RIN2: variants seen among roughly 807,000 people sequenced by gnomAD.
RIN2 encodes RAB5 interacting protein 2.
A neutral mutation model predicts 78.0 loss-of-function variants in RIN2; 36 were observed. The observed-to-expected ratio is 0.46, with a 90% CI of 0.35 to 0.61. The LOEUF (loss-of-function observed/expected upper bound fraction) is 0.61. Among genes scored for constraint, RIN2 ranks in the 20% least tolerant of loss-of-function variants. The pLI, the probability that RIN2 is intolerant of heterozygous loss-of-function variation, is 0.00. For synonymous variants in RIN2, 466 were observed against 466.8 expected (o/e 1.00, Z 0.02); for missense variants, 1,087 against 1,159.7 (o/e 0.94, Z 0.91).
chr20:19,941,888 G>A (rs189906335), intron 4 of RIN2, among the ~76,000 whole-genome samples: 124 of 152,240 alleles, frequency 8.1e-4, no homozygotes, highest in Non-Finnish European at 1.4e-3. Context: ...GCTGAGGTGG[G>A]TGGATCACGA....
intron 2 of RIN2, among the ~76,000 whole-genome samples, chr20:19,815,814 A>T (rs1439146673): frequency 6.6e-6 from 1 of 152,258 alleles, no homozygotes; most frequent in Non-Finnish European, 1.5e-5. Flanking sequence ...CATGGTCAGC[A>T]TCGGCTCAAA....
At chr20:19,956,536 T>C in intron 4 of RIN2, 79 bp from the exon 5 acceptor site, 5 of 1,378,012 alleles carry the variant, frequency 3.6e-6, no homozygotes, top group Non-Finnish European at 2.0e-6. Flanking sequence ...AAGCCTGGCC[T>C]ATGAACTTGT....
At chr20:19,974,562 C>T in intron 8 of RIN2, 92 bp from the exon 9 acceptor site, 3 of 1,271,978 alleles carry the variant, frequency 2.4e-6, no homozygotes, top group South Asian at 1.4e-5. Flanking sequence ...GCAAGACTCG[C>T]GTTGTCATGC....
Position 19,996,842 on chromosome 20 carries a change from G to C in RIN2, c.2364G>C (p.Gln788His). The change falls in exon 12 of 13, where the codon CAG becomes CAC. Residue 788 changes from glutamine to histidine, a missense_variant and splice_region_variant. Physicochemically the swap from Gln to His is conservative, Grantham distance 24. Around this residue, in one of 8 missense-constraint regions of RIN2, gnomAD observed 160 missense variants for 179.4 expected, o/e 0.89. Transcript: ENST00000255006. ...NRTIPSVDDF[Q>H]NYLRVAFQEV... The stretch of plus-strand genomic sequence containing the variant: ...CCATCCCCTCTGTGGACGACTTCCA[G>C]GTGTGCAGCTGGCCACCCCTTTGCT... 6.3e-7 allele frequency: 1 copy of C among 1,583,036 alleles called. No homozygotes were observed. The highest frequency in any genetic ancestry group is 8.6e-7 in the Non-Finnish European group (1 of 1,163,350).
In RIN2 at chr20:19,856,624, A is replaced by AGAAG. The variant is rs369374955; in HGVS notation, c.-36-32928_-36-32925dup. On this transcript the variant is annotated intron_variant, in intron 2 of 12. Transcript: ENST00000255006. ...TGGAAGAAAGGAAGGAAGGAAGGAA[A>AGAAG]GAAGGAAGGAAGGAAGGGAGGGAGG... Among the ~76,000 whole-genome samples the AGAAG allele has an allele frequency of 7.8e-3, 1,172 of 149,354 alleles. 20 individuals carry two copies. Among genetic ancestry groups the AGAAG allele is most frequent in the African/African-American group, 0.027 (1,115 of 40,726 alleles).
intron 6 of RIN2, among the ~76,000 whole-genome samples, chr20:19,964,056 G>GTT (rs932935755): frequency 6.6e-6 from 1 of 151,858 alleles, no homozygotes; most frequent in African/African-American, 2.4e-5. Context: ...TAGAGACAGG[G>GTT]TTTTGCCATG....
rs887260103 is a variant in RIN2, at chr20:19,802,337, C to A, written c.-37+2590C>A. 2.6e-5 allele frequency among the ~76,000 whole-genome samples: 4 copies of A among 152,064 alleles called. No individual in the cohort carries two copies. In the South Asian group the frequency reaches 8.3e-4, roughly 32 times the overall value. On this transcript the variant is annotated intron_variant, in intron 2 of 12. Transcript: ENST00000255006. ...ACATGCTTGGCAGAAAGAGCTGCCCCTACCAGGTATGGCCAGGCCAGGTGT... is the reference window on the plus strand; with the variant it reads ...ACATGCTTGGCAGAAAGAGCTGCCCATACCAGGTATGGCCAGGCCAGGTGT...
At chr20:19,823,968 A>C in intron 2 of RIN2, 1 of 1,404,676 alleles carries the variant, frequency 7.1e-7, no homozygotes, top group South Asian at 1.2e-5. Context: ...GTGTCGGATG[A>C]ACCCGGATTC....
At chr20:19,935,905 G>C (rs753757368) in intron 4 of RIN2, among the ~76,000 whole-genome samples, 1 of 152,316 alleles carries the variant, frequency 6.6e-6, no homozygotes, top group African/African-American at 2.4e-5. Context: ...GACACTTCGT[G>C]CCTTAGAGGC....
chr20:19,970,944 C>T lies in RIN2; in HGVS notation c.628+15C>T. Reference sequence around the variant, plus strand: ...GATGGGACTAAGTAAGTGTGTGCCCCCTGCCTGAGTCTATCTAAAAATGAA... The same window carrying T: ...GATGGGACTAAGTAAGTGTGTGCCCTCTGCCTGAGTCTATCTAAAAATGAA... On this transcript the variant is annotated intron_variant, in intron 8 of 12. Coordinates refer to ENST00000255006, the MANE Select transcript of RIN2 (RefSeq NM_018993.4). 3.8e-6 allele frequency: 6 copies of T among 1,591,820 alleles called. No homozygotes were observed. The highest frequency in any genetic ancestry group is 5.2e-6 in the Non-Finnish European group (6 of 1,163,182).
intron 3 of RIN2, among the ~76,000 whole-genome samples, chr20:19,890,464 T>C (rs2038396390): frequency 6.6e-6 from 1 of 151,780 alleles, no homozygotes; most frequent in African/African-American, 2.4e-5. Context: ...AAAATGGAGG[T>C]AAAATATGCA....
chr20:19,980,598 A>G (rs1278516154), intron 9 of RIN2, among the ~76,000 whole-genome samples: 3 of 152,212 alleles, frequency 2.0e-5, no homozygotes. Context: ...AGGAAACCTC[A>G]CCAGGTAAAA....
At chr20:19,807,702 A>G (rs1463943212) in intron 2 of RIN2, among the ~76,000 whole-genome samples, 1 of 152,226 alleles carries the variant, frequency 6.6e-6, no homozygotes, top group Non-Finnish European at 1.5e-5. Flanking sequence ...AGCAGCAAGT[A>G]GAATGAATAA....
At chr20:19,936,233 G>A (rs1568630958) in intron 4 of RIN2, among the ~76,000 whole-genome samples, 1 of 152,046 alleles carries the variant, frequency 6.6e-6, no homozygotes, top group Admixed American at 6.6e-5. Context: ...AAACGATGGG[G>A]GTGAACCAGA....
intron 4 of RIN2, among the ~76,000 whole-genome samples, chr20:19,949,692 G>A (rs952730375): frequency 3.3e-5 from 5 of 152,192 alleles, no homozygotes; most frequent in Non-Finnish European, 7.3e-5. Context: ...TGCAGCTCGC[G>A]GGAGCGGGTG....
At chr20:19,887,757 G>A (rs36065585) in intron 2 of RIN2, among the ~76,000 whole-genome samples, 131 of 152,220 alleles carry the variant, frequency 8.6e-4, no homozygotes, top group Non-Finnish European at 1.4e-3. Context: ...GTCTGGATGA[G>A]GAATGAAGTC....
At chr20:19,911,128 G>A (rs573088780) in intron 3 of RIN2, among the ~76,000 whole-genome samples, 74 of 151,946 alleles carry the variant, frequency 4.9e-4, no homozygotes, top group African/African-American at 1.7e-3. Flanking sequence ...TCGACTCACT[G>A]CAACCTCTGC....
At chr20:19,833,923 C>T (rs2036327078) in intron 2 of RIN2, among the ~76,000 whole-genome samples, 1 of 152,128 alleles carries the variant, frequency 6.6e-6, no homozygotes. Flanking sequence ...GGTCCCATTC[C>T]CCTGCCCCCT....
intron 1 of RIN2, among the ~76,000 whole-genome samples, chr20:19,787,571 C>T (rs1359343241): frequency 6.6e-6 from 1 of 151,940 alleles, no homozygotes; most frequent in African/African-American, 2.4e-5. Flanking sequence ...CCCTCACTTA[C>T]TGGCTGTGTG....
Sources: gnomAD v4.1 joint callset for allele counts (sites outside exome capture counted in the v4.1 genomes callset) on GRCh38, gnomAD v4.1.1 for gene constraint, gnomAD v4.1.1 regional missense constraint, MANE v1.5 for transcripts, NCBI Gene and HGNC (gene_info 2026-07-23, HGNC 2026-07-21) for gene names.